The following ALK variants were observed in gnomAD, a reference collection of about 807,000 sequenced individuals.
ALK encodes the protein ALK tyrosine kinase receptor.
In ALK, 74 loss-of-function variants were observed where a neutral mutation model predicts 163.1. The ratio of observed to expected loss-of-function variants is 0.45; its 90% CI spans 0.38 to 0.55. The LOEUF is 0.55. Among genes scored for constraint, ALK ranks in the 20% least tolerant of loss-of-function variants. ALK has a pLI of 0.00. For missense variants in ALK, 2,063 were observed against 2,105.3 expected (o/e 0.98, Z 0.39); for synonymous variants, 960 against 843.2 (o/e 1.14, Z -2.40).
At chr2:29,919,354 G>A (rs931666307) in intron 1 of ALK, among the ~76,000 whole-genome samples, 5 of 148,870 alleles carry the variant, frequency 3.4e-5, no homozygotes. Flanking sequence ...CCTGTCCTCT[G>A]TTCCTTAGTT....
intron 4 of ALK, among the ~76,000 whole-genome samples, chr2:29,531,200 A>T (rs1374557999): frequency 1.3e-5 from 2 of 152,214 alleles, no homozygotes; most frequent in Non-Finnish European, 2.9e-5. Flanking sequence ...TTGCTAAAGT[A>T]ATCAGATCTG....
chr2:29,836,631 T>C (rs1489534007), intron 1 of ALK, among the ~76,000 whole-genome samples: 1 of 152,240 alleles, frequency 6.6e-6, no homozygotes, highest in African/African-American at 2.4e-5. Flanking sequence ...ACTTCACTAA[T>C]GGCTACTGCA....
rs540299363 is a variant in ALK, at chr2:29,458,102, A to G, written c.1154+73813T>C. ...CTTTTTAAACCTATAATCGTGTTTA[A>G]CATGTGACTCCCACAGTGTTTTACA... On this transcript the variant is annotated intron_variant, in intron 4 of 28. Coordinates refer to ENST00000389048, the MANE Select transcript of ALK (RefSeq NM_004304.5). Among the ~76,000 whole-genome samples the G allele has an allele frequency of 7.2e-5, 11 of 152,296 alleles. No individual in the cohort carries two copies. In the South Asian group the frequency reaches 2.3e-3, roughly 32 times the overall value.
intron 1 of ALK, among the ~76,000 whole-genome samples, chr2:29,884,258 A>G (rs1441456657): frequency 1.3e-5 from 2 of 152,206 alleles, no homozygotes; most frequent in Non-Finnish European, 2.9e-5. Context: ...CATATTATTC[A>G]TCATGTTTAG....
chr2:29,300,484 G>A (rs1666336568), intron 8 of ALK, among the ~76,000 whole-genome samples: 1 of 150,276 alleles, frequency 6.7e-6, no homozygotes, highest in Admixed American at 6.7e-5. Context: ...GAACCTGGGA[G>A]GCAGAGGTTG....
At chr2:29,357,866 C>G (rs1668289225) in intron 5 of ALK, among the ~76,000 whole-genome samples, 1 of 152,210 alleles carries the variant, frequency 6.6e-6, no homozygotes, top group Non-Finnish European at 1.5e-5. Context: ...AAAAACTATA[C>G]TCTCGATTTC....
intron 4 of ALK, among the ~76,000 whole-genome samples, chr2:29,400,879 G>A (rs1403592111): frequency 6.6e-6 from 1 of 152,080 alleles, no homozygotes; most frequent in Admixed American, 6.5e-5. Context: ...GGAGGCTGAG[G>A]CAGGAGAATC....
chr2:29,342,055 G>A (rs1011875964), intron 5 of ALK, among the ~76,000 whole-genome samples: 9 of 152,254 alleles, frequency 5.9e-5, no homozygotes, highest in Non-Finnish European at 1.3e-4. Flanking sequence ...TTTTTTGAAT[G>A]TGTTATCTTT....
At position 29,332,270 on chromosome 2, in the gene ALK, A is replaced by T. The variant is rs184515563; in HGVS notation, c.1283-3789T>A. On this transcript the variant is annotated intron_variant, in intron 5 of 28. Coordinates refer to ENST00000389048, the MANE Select transcript of ALK (RefSeq NM_004304.5). ...CATTGTACTCCAGCCTAGGAGACAG[A>T]GTGAGACTCCATCTCAAAAAAAAAA... Among the ~76,000 whole-genome samples, 542 of 131,664 alleles carry T rather than the reference A, an allele frequency of 4.1e-3. 4 individuals are homozygous for T. Among genetic ancestry groups the T allele is most frequent in the African/African-American group, 0.015 (516 of 34,970 alleles). The allele number at this position is 131,664 out of a possible 152,430, so 86.4% of individuals were successfully genotyped here. A position where few individuals can be genotyped will look rare whatever the true frequency, so the allele number is the denominator to read the frequency against.
chr2:29,327,487 G>A (rs1029283987), intron 6 of ALK, among the ~76,000 whole-genome samples: 8 of 152,146 alleles, frequency 5.3e-5, no homozygotes, highest in South Asian at 4.1e-4. Flanking sequence ...TGGGCCCCTC[G>A]TAGGATGCTA....
intron 5 of ALK, among the ~76,000 whole-genome samples, chr2:29,363,570 T>G (rs1017845098): frequency 2.0e-5 from 3 of 152,364 alleles, no homozygotes; most frequent in East Asian, 1.9e-4. Context: ...AGGCCAGGAC[T>G]GTATGGCTAC....
chr2:29,209,895 T>G lies in ALK; in HGVS notation c.3744-17A>C, dbSNP rs1387047324. On this transcript the variant is annotated splice_polypyrimidine_tract_variant and intron_variant, in intron 24 of 28. Coordinates refer to ENST00000389048, the MANE Select transcript of ALK (RefSeq NM_004304.5). ...GCAATGTCTCTGGGAAGAAAGGAAA[T>G]GCATTTCCTAATTTTATCCCTAGGA... The G allele has an allele frequency of 2.5e-6, 4 of 1,605,366 alleles. No individual in the cohort carries two copies. The South Asian group carries it at 4.4e-5, about 18-fold the overall frequency.
In ALK at chr2:29,374,116, C is replaced by T. The variant is rs144257171; in HGVS notation, c.1282+9616G>A. Among the ~76,000 whole-genome samples the T allele has an allele frequency of 7.2e-5, 11 of 152,236 alleles. No homozygotes were observed. The East Asian group carries it at 2.1e-3, about 29-fold the overall frequency. ...GTAAACATACCCCAGGATAGTTGTG[C>T]AGAATTATTCAGCTCTGGTTCCAGA... On this transcript the variant is annotated intron_variant, in intron 5 of 28. Transcript: ENST00000389048.
chr2:29,903,017 T>A (rs1299449193), intron 1 of ALK, among the ~76,000 whole-genome samples: 1 of 152,244 alleles, frequency 6.6e-6, no homozygotes, highest in African/African-American at 2.4e-5. Flanking sequence ...AGAGTTTAAA[T>A]GAAGATCATG....
At chr2:29,846,653 C>G (rs113081998) in intron 1 of ALK, among the ~76,000 whole-genome samples, 77 of 152,288 alleles carry the variant, frequency 5.1e-4, no homozygotes, top group African/African-American at 1.8e-3. Flanking sequence ...AAAGATTTTT[C>G]AAACTGCAAG....
At chr2:29,716,881 A>G (rs1031431438) in intron 2 of ALK, among the ~76,000 whole-genome samples, 2 of 150,932 alleles carry the variant, frequency 1.3e-5, no homozygotes, top group Non-Finnish European at 2.9e-5. Context: ...ACGGTGGCTC[A>G]CTCCTGTAAT....
chr2:29,373,119 T>C (rs1475570419), intron 5 of ALK, among the ~76,000 whole-genome samples: 1 of 152,134 alleles, frequency 6.6e-6, no homozygotes, highest in African/African-American at 2.4e-5. Context: ...TCCTTCACAT[T>C]CAAAGGGAGT....
At chr2:29,506,951 T>C (rs1174011201) in intron 4 of ALK, among the ~76,000 whole-genome samples, 1 of 152,134 alleles carries the variant, frequency 6.6e-6, no homozygotes, top group Non-Finnish European at 1.5e-5. Flanking sequence ...GCAGCCACTA[T>C]GGAAACATCA....
At chr2:29,824,753 C>T (rs1017301616) in intron 1 of ALK, among the ~76,000 whole-genome samples, 7 of 152,114 alleles carry the variant, frequency 4.6e-5, no homozygotes, top group South Asian at 2.1e-4. Context: ...TTTACAGGCT[C>T]GTAGGCAGAA....
Sources: gnomAD v4.1 joint callset for allele counts (sites outside exome capture counted in the v4.1 genomes callset) on GRCh38, gnomAD v4.1.1 for gene constraint, MANE v1.5 for transcripts, NCBI Gene and HGNC (gene_info 2026-07-23, HGNC 2026-07-21) for gene names.